The following ACER3 variants were observed in gnomAD, a reference collection of about 807,000 sequenced individuals.
ACER3 encodes the protein alkaline ceramidase 3, also known as alkCDase 3.
ACER3 carries 16 observed loss-of-function variants against 48.9 expected under a neutral mutation model. That is an observed-to-expected ratio of 0.33 (90% CI 0.22 to 0.50). ACER3 has a LOEUF of 0.50. ACER3 is among the 20% of genes least tolerant of loss of function. ACER3 has a pLI of 0.98. For synonymous variants in ACER3, 109 were observed against 107.8 expected (o/e 1.01, Z -0.07); for missense variants, 227 against 326.0 (o/e 0.70, Z 2.34).
At chr11:76,947,324 C>G (rs2134958148) in intron 2 of ACER3, among the ~76,000 whole-genome samples, 1 of 152,322 alleles carries the variant, frequency 6.6e-6, no homozygotes, top group African/African-American at 2.4e-5. Flanking sequence ...CATGGGGAAG[C>G]ACCAGGACCC....
intron 1 of ACER3, among the ~76,000 whole-genome samples, chr11:76,905,825 T>G (rs1289308025): frequency 1.3e-5 from 2 of 152,230 alleles, no homozygotes; most frequent in Non-Finnish European, 2.9e-5. Flanking sequence ...AAAATGATAT[T>G]TACACTTATT....
chr11:76,875,749 T>G (rs1262593422), intron 1 of ACER3, among the ~76,000 whole-genome samples: 1 of 138,666 alleles, frequency 7.2e-6, no homozygotes, highest in African/African-American at 2.7e-5. Context: ...TTTTTTTTTT[T>G]TTTTTTTGTG....
intron 1 of ACER3, among the ~76,000 whole-genome samples, chr11:76,893,689 T>C (rs78090466): frequency 0.025 from 3,737 of 152,308 alleles, 140 homozygotes; most frequent in African/African-American, 0.082. Context: ...TTCATAGATT[T>C]GTTTTGAGGA....
chr11:76,940,767 C>T (rs1013975440), intron 2 of ACER3, among the ~76,000 whole-genome samples: 2 of 152,028 alleles, frequency 1.3e-5, no homozygotes, highest in Non-Finnish European at 2.9e-5. Flanking sequence ...TTTAAGTATC[C>T]GTCCCTTCTA....
intron 1 of ACER3, among the ~76,000 whole-genome samples, chr11:76,883,500 G>A (rs1945588098): frequency 1.4e-5 from 2 of 142,682 alleles, no homozygotes; most frequent in Middle Eastern, 4.0e-3. Flanking sequence ...GAATGCAGTA[G>A]CACGATCTCA....
rs1209621431 is a variant in ACER3, at chr11:76,965,832, C to T, written c.267+6801C>T. 4.8e-4 allele frequency among the ~76,000 whole-genome samples: 72 copies of T among 151,114 alleles called. 1 individual carries two copies. The highest frequency in any genetic ancestry group is 8.5e-4 in the Non-Finnish European group (58 of 68,006). On this transcript the variant is annotated intron_variant, in intron 3 of 10. Coordinates refer to ENST00000532485, the MANE Select transcript of ACER3 (RefSeq NM_018367.7). ...AGCACTAAACATGGAAAGGAACAAC[C>T]GGTACCAGCCACTGCAAAAACATGC...
intron 1 of ACER3, among the ~76,000 whole-genome samples, chr11:76,892,846 T>A (rs745962025): frequency 6.6e-6 from 1 of 152,172 alleles, no homozygotes; most frequent in Non-Finnish European, 1.5e-5. Context: ...ATTAAAAGCA[T>A]CCAAATTGAC....
intron 1 of ACER3, among the ~76,000 whole-genome samples, chr11:76,888,787 T>C (rs1296872053): frequency 6.6e-6 from 1 of 152,188 alleles, no homozygotes; most frequent in African/African-American, 2.4e-5. Context: ...CATGATCATG[T>C]ATCTCTTGTC....
At chr11:76,864,505 AAT>A (rs1222483142) in intron 1 of ACER3, among the ~76,000 whole-genome samples, 1 of 152,132 alleles carries the variant, frequency 6.6e-6, no homozygotes, top group Non-Finnish European at 1.5e-5. Flanking sequence ...AACATTGAGA[AAT>A]AAACTATTTT....
chr11:76,870,031 T>A (rs1227313968), intron 1 of ACER3, among the ~76,000 whole-genome samples: 3 of 151,746 alleles, frequency 2.0e-5, no homozygotes, highest in African/African-American at 7.3e-5. Context: ...CTGGCTACTT[T>A]TTTTATTTTC....
chr11:76,930,627 A>C (rs1013643167), intron 2 of ACER3, among the ~76,000 whole-genome samples: 3 of 151,784 alleles, frequency 2.0e-5, no homozygotes, highest in Non-Finnish European at 4.4e-5. Flanking sequence ...CCCTCTACAC[A>C]CTACTTAAAT....
intron 1 of ACER3, among the ~76,000 whole-genome samples, chr11:76,916,496 G>A (rs1177551161): frequency 6.6e-6 from 1 of 150,522 alleles, no homozygotes; most frequent in African/African-American, 2.4e-5. Context: ...TCTATGCAAG[G>A]CAATCTATGC....
intron 1 of ACER3, among the ~76,000 whole-genome samples, chr11:76,908,693 A>G (rs2134710641): frequency 1.3e-5 from 2 of 152,316 alleles, no homozygotes; most frequent in Non-Finnish European, 2.9e-5. Flanking sequence ...TATAGATTCA[A>G]TGCTATTCCC....
chr11:76,896,954 TTTTG>T (rs986194576), intron 1 of ACER3, among the ~76,000 whole-genome samples: 20 of 150,768 alleles, frequency 1.3e-4, no homozygotes, highest in African/African-American at 5.0e-4. Context: ...GTTGTTGGTT[TTTTG>T]TTTGTCTGTT....
chr11:76,998,381 A>C (rs551066321), intron 6 of ACER3, among the ~76,000 whole-genome samples: 3 of 152,010 alleles, frequency 2.0e-5, no homozygotes, highest in Non-Finnish European at 2.9e-5. Flanking sequence ...GGTTTATACT[A>C]TTGTAAAATG....
chr11:76,900,591 G>A (rs542368890), intron 1 of ACER3, among the ~76,000 whole-genome samples: 1 of 152,156 alleles, frequency 6.6e-6, no homozygotes, highest in Non-Finnish European at 1.5e-5. Flanking sequence ...AAGCTGAGGT[G>A]AAAGGATTGC....
Position 77,016,661 on chromosome 11 carries a change from C to T in ACER3, c.600-14C>T, listed in dbSNP as rs375913828. The T allele has an allele frequency of 1.4e-6, 2 of 1,406,146 alleles. No homozygotes were observed. Among genetic ancestry groups the T allele is most frequent in the South Asian group, 1.3e-5 (1 of 77,714 alleles). 87.1% of individuals were successfully genotyped at this position (1,406,146 alleles called of 1,614,324 possible). The stretch of plus-strand genomic sequence containing the variant: ...TTAAAAATTTAACGTGATTTTCTCC[C>T]TCTCTCCACACAGGAACTTTCGAAA... On this transcript the variant is annotated splice_polypyrimidine_tract_variant and intron_variant, in intron 8 of 10. Transcript: ENST00000532485.
At chr11:76,913,938 G>A (rs7948198) in intron 1 of ACER3, among the ~76,000 whole-genome samples, 106,485 of 152,006 alleles carry the variant, frequency 0.7, 37,578 homozygotes, top group Non-Finnish European at 0.74. Flanking sequence ...GACAAAAACA[G>A]GAAATGGGGA....
chr11:76,951,271 T>C lies in ACER3; in HGVS notation c.215-7708T>C, dbSNP rs371831211. 3.3e-5 allele frequency among the ~76,000 whole-genome samples: 5 copies of C among 152,324 alleles called. No homozygotes were observed. The East Asian group carries it at 5.8e-4, about 18-fold the overall frequency. ...TTTGGTGGGATATTTTTATTGCTCT[T>C]TTACTTTTGTGTCTTGCTGATTTTT... On this transcript the variant is annotated intron_variant, in intron 2 of 10. Coordinates refer to ENST00000532485, the MANE Select transcript of ACER3 (RefSeq NM_018367.7).
Sources: allele counts gnomAD v4.1 joint callset (sites outside exome capture counted in the v4.1 genomes callset), GRCh38; gene constraint gnomAD v4.1.1; transcripts MANE v1.5; gene names NCBI Gene and HGNC (gene_info 2026-07-23, HGNC 2026-07-21).